DGKH: variants seen among roughly 807,000 people sequenced by gnomAD.
DGKH encodes the protein diacylglycerol kinase eta, also known as DAG kinase eta.
Under a neutral mutation model 159.3 loss-of-function variants are expected in DGKH, and 90 were observed. That is an observed-to-expected ratio of 0.57 (90% CI 0.48 to 0.67). The LOEUF (loss-of-function observed/expected upper bound fraction) is 0.67. DGKH is among the 30% of genes least tolerant of loss of function. The pLI is 0.00. For missense variants in DGKH, 1,181 were observed against 1,506.1 expected (o/e 0.78, Z 3.57); for synonymous variants, 536 against 553.8 (o/e 0.97, Z 0.45).
chr13:42,040,723 G>C (rs1231209614), intron 1 of DGKH, among the ~76,000 whole-genome samples: 2 of 150,160 alleles, frequency 1.3e-5, no homozygotes, highest in Non-Finnish European at 3.0e-5. Context: ...GGAGACGGCG[G>C]GTGGGCCGGT....
chr13:42,197,267 A>AAAAAAAAAAG (rs922365530), intron 17 of DGKH, among the ~76,000 whole-genome samples: 37 of 135,388 alleles, frequency 2.7e-4, no homozygotes, highest in East Asian at 9.4e-4. Context: ...AAAAAAAAAA[A>AAAAAAAAAAG]AAAGAAAGAA....
rs201606573 is a variant in DGKH, at chr13:42,209,474, C to G, written c.2850+9C>G. 10 of 1,574,856 alleles carry G rather than the reference C, an allele frequency of 6.3e-6. No homozygotes were observed. The highest frequency in any genetic ancestry group is 1.2e-5 in the South Asian group (1 of 84,460). On this transcript the variant is annotated intron_variant, in intron 23 of 29. Transcript: ENST00000337343. ...TGCTAACAAGGGACAGAGTATGTAACAAAAACATTCTTCTAGAATATTGTC... is the reference window on the plus strand; with the variant it reads ...TGCTAACAAGGGACAGAGTATGTAAGAAAAACATTCTTCTAGAATATTGTC...
At chr13:42,136,931 A>G (rs868061848) in intron 3 of DGKH, among the ~76,000 whole-genome samples, 16 of 152,354 alleles carry the variant, frequency 1.1e-4, no homozygotes, top group East Asian at 7.7e-4. Context: ...ATAAAAAGAC[A>G]CCAATAAACA....
At chr13:42,110,690 A>G (rs1215773951) in intron 1 of DGKH, among the ~76,000 whole-genome samples, 2 of 152,118 alleles carry the variant, frequency 1.3e-5, no homozygotes, top group Non-Finnish European at 2.9e-5. Context: ...GTGCAACTGA[A>G]GAAAAGCCCA....
intron 1 of DGKH, chr13:42,070,369 A>C: frequency 1.4e-6 from 2 of 1,431,080 alleles, no homozygotes; most frequent in Non-Finnish European, 9.9e-7. Flanking sequence ...AGTCAGCTGC[A>C]TCTGTTCAAG....
At chr13:42,169,947 A>T (rs1956403846) in intron 11 of DGKH, among the ~76,000 whole-genome samples, 1 of 152,208 alleles carries the variant, frequency 6.6e-6, no homozygotes, top group South Asian at 2.1e-4. Flanking sequence ...GTACCTATGG[A>T]TATGTTAGTT....
intron 1 of DGKH, among the ~76,000 whole-genome samples, chr13:42,063,105 G>T (rs1011433600): frequency 6.6e-5 from 10 of 152,118 alleles, no homozygotes; most frequent in African/African-American, 2.4e-4. Context: ...TGAAAATAGT[G>T]TTGACTTCAT....
At chr13:42,113,527 A>G (rs1954907751) in intron 1 of DGKH, among the ~76,000 whole-genome samples, 1 of 152,208 alleles carries the variant, frequency 6.6e-6, no homozygotes, top group African/African-American at 2.4e-5. Flanking sequence ...AGAAAGTAGG[A>G]AATTCATGGT....
At position 42,099,184 on chromosome 13, in the gene DGKH, C is replaced by T. The variant is rs189297361; in HGVS notation, c.193-28279C>T. 6.6e-5 allele frequency among the ~76,000 whole-genome samples: 10 copies of T among 152,216 alleles called. No individual in the cohort carries two copies. The East Asian group carries it at 1.9e-3, about 29-fold the overall frequency. On this transcript the variant is annotated intron_variant, in intron 1 of 29. Transcript: ENST00000337343. Reference sequence around the variant, plus strand: ...AGGTGCTCAGTTCACTGGCGCTTTCCGGCTGATTTCATCCTGTCCTGCTTG... The same window carrying T: ...AGGTGCTCAGTTCACTGGCGCTTTCTGGCTGATTTCATCCTGTCCTGCTTG...
chr13:42,144,452 C>T (rs547532898), intron 3 of DGKH, among the ~76,000 whole-genome samples: 27 of 152,078 alleles, frequency 1.8e-4, no homozygotes, highest in African/African-American at 5.1e-4. Context: ...GTTGGGAGGC[C>T]GAGGTGGGTG....
Position 42,230,088 on chromosome 13 carries a change from C to T in DGKH, c.*900C>T, listed in dbSNP as rs1001592473. 6.6e-6 allele frequency: 1 copy of T among 152,134 alleles called. No homozygotes were observed. The highest frequency in any genetic ancestry group is 1.5e-5 in the Non-Finnish European group (1 of 68,016). 9.4% of individuals were successfully genotyped at this position (152,134 alleles called of 1,614,324 possible). ...TTCATAAAATTACATGCTCCCTTAC[C>T]TGACAAAACTTGTTACAGCTTTCCA... is the stretch of plus-strand genomic sequence containing the variant. On this transcript the variant is annotated 3_prime_UTR_variant, in exon 30 of 30. Transcript: ENST00000337343.
chr13:42,248,481 A>G (rs1958597450), intron 29 of DGKH, among the ~76,000 whole-genome samples: 1 of 147,112 alleles, frequency 6.8e-6, no homozygotes, highest in African/African-American at 2.5e-5. Flanking sequence ...ATTTATATAT[A>G]ATATTATATA....
chr13:42,061,128 A>T (rs1173700847), intron 1 of DGKH, among the ~76,000 whole-genome samples: 1 of 152,138 alleles, frequency 6.6e-6, no homozygotes, highest in Non-Finnish European at 1.5e-5. Context: ...CCGTTTGAGG[A>T]GGCGGTGTCT....
intron 1 of DGKH, among the ~76,000 whole-genome samples, chr13:42,087,552 G>GT (rs1305433212): frequency 6.6e-6 from 1 of 151,854 alleles, no homozygotes; most frequent in East Asian, 1.9e-4. Context: ...GTTCAAGGAG[G>GT]TAAAAAAAAC....
chr13:42,126,414 G>A (rs1205471626), intron 1 of DGKH, among the ~76,000 whole-genome samples: 1 of 152,102 alleles, frequency 6.6e-6, no homozygotes, highest in Non-Finnish European at 1.5e-5. Context: ...AGGGAGGAGA[G>A]GGGAGGTAGT....
chr13:42,211,882 T>A (rs1957666570), intron 24 of DGKH, among the ~76,000 whole-genome samples: 1 of 152,076 alleles, frequency 6.6e-6, no homozygotes, highest in Non-Finnish European at 1.5e-5. Context: ...TTAGTCACTA[T>A]CACGAGAACA....
exon 31 of DGKH, chr13:42,256,304 G>T: frequency 2.5e-6 from 4 of 1,594,940 alleles, no homozygotes; most frequent in Non-Finnish European, 3.4e-6. Context: ...AGAAAACTGC[G>T]TGGTGGGAAT....
rs1338137239 is a variant in DGKH at position 42,192,370 on chromosome 13, C to T, written c.2035+1845C>T. Among the ~76,000 whole-genome samples, 3 of 152,110 alleles carry T rather than the reference C, an allele frequency of 2.0e-5. No homozygotes were observed. The East Asian group carries it at 5.8e-4, about 29-fold the overall frequency. ...CTTTATATTGGGCTTTCTATTTTCT[C>T]CCCTAAATTTCTACCCATGATTACA... is the stretch of plus-strand genomic sequence containing the variant. On this transcript the variant is annotated intron_variant, in intron 16 of 29. Coordinates refer to ENST00000337343, the MANE Select transcript of DGKH (RefSeq NM_178009.5).
chr13:42,130,244 C>T, intron 3 of DGKH, among the ~76,000 whole-genome samples: 1 of 152,224 alleles, frequency 6.6e-6, no homozygotes, highest in East Asian at 1.9e-4. Flanking sequence ...CTCTGTCCCA[C>T]CAGTGCAGCA....
Sources: allele counts gnomAD v4.1 joint callset (sites outside exome capture counted in the v4.1 genomes callset), GRCh38; gene constraint gnomAD v4.1.1; transcripts MANE v1.5; gene names NCBI Gene and HGNC (gene_info 2026-07-23, HGNC 2026-07-21).